Variants in MATK observed in about 807,000 individuals in gnomAD.
The protein encoded by MATK is megakaryocyte-associated tyrosine kinase.
Under a neutral mutation model 59.8 loss-of-function variants are expected in MATK, and 41 were observed. That is an observed-to-expected ratio of 0.69 (90% confidence interval 0.53 to 0.89). The LOEUF is 0.89. MATK is among the 40% of genes least tolerant of loss of function. The probability of loss-of-function intolerance (pLI) is 0.00; values close to 1 mark genes in which losing one functional copy is unlikely to be tolerated. For missense variants in MATK, 593 were observed against 719.6 expected, an observed-to-expected ratio of 0.82 and a Z score of 2.01; for synonymous variants, 308 against 306.1, an observed-to-expected ratio of 1.01 and a Z score of -0.06.
intron 11 of MATK, 71 bp from the exon 12 acceptor site, chr19:3,779,258 G>A: frequency 1.9e-6 from 3 of 1,545,498 alleles, no homozygotes; most frequent in African/African-American, 1.4e-5. Flanking sequence ...AAAGCTCGGG[G>A]TGCCTGGGGC....
chr19:3,794,741 C>A (rs1007164859), intron 1 of MATK, among the ~76,000 whole-genome samples: 2 of 152,044 alleles, frequency 1.3e-5, no homozygotes, highest in Non-Finnish European at 2.9e-5. Flanking sequence ...CAAGAGCAGC[C>A]CCTAAGTCTC....
chr19:3,798,700 C>T (rs983523391), intron 1 of MATK, among the ~76,000 whole-genome samples: 1 of 147,300 alleles, frequency 6.8e-6, no homozygotes, highest in African/African-American at 2.5e-5. Context: ...TTGGTAGAGA[C>T]GGGATTTCAC....
chr19:3,778,184 C>G lies in MATK; in HGVS notation c.1523G>C (p.Ter508SerextTer?). 1 of 1,555,404 alleles carries G rather than the reference C, an allele frequency of 6.4e-7. No homozygotes were observed. Among genetic ancestry groups the G allele is most frequent in the Non-Finnish European group, 8.6e-7 (1 of 1,156,566 alleles). The change falls in exon 14 of 14, where the codon TGA becomes TCA. Residue 508 changes from the stop codon to serine (S), a stop_lost. Coordinates refer to ENST00000310132, the MANE Select transcript of MATK (RefSeq NM_139355.3). ...GGCCAAGGGCCCCACCGGGTGGGGT[C>G]AGGGCTCCTGGCTTCGGGGCGAGGT... ...GSTSPRSQEP[*>S] is the part of the protein sequence containing the mutation.
At chr19:3,789,196 C>T (rs2037517471), upstream of MATK, 2 of 704,448 alleles carry the variant, frequency 2.8e-6, no homozygotes, top group East Asian at 2.5e-5. Flanking sequence ...TGGCAAACCA[C>T]CATCACTTGC....
chr19:3,785,217 C>G lies in MATK; in HGVS notation c.-82G>C. Reference sequence around the variant, plus strand: ...CGGGGACGCTGGGAATGGCCTGCCACAGGCCAGTCGGCTGGCACAGGAGGT... The same window carrying G: ...CGGGGACGCTGGGAATGGCCTGCCAGAGGCCAGTCGGCTGGCACAGGAGGT... On this transcript the variant is annotated 5_prime_UTR_variant, in exon 2 of 14. Coordinates refer to ENST00000310132, the MANE Select transcript of MATK (RefSeq NM_139355.3). 6.2e-7 allele frequency: 1 copy of G among 1,603,390 alleles called. No homozygotes were observed. The highest frequency in any genetic ancestry group is 8.5e-7 in the Non-Finnish European group (1 of 1,176,106).
At chr19:3,791,698 A>C (rs2037543270) in intron 1 of MATK, among the ~76,000 whole-genome samples, 1 of 152,014 alleles carries the variant, frequency 6.6e-6, no homozygotes, top group African/African-American at 2.4e-5. Context: ...CAAATCTCAC[A>C]GTTCTTCACA....
chr19:3,783,651 G>T (rs923897802), intron 6 of MATK, among the ~76,000 whole-genome samples, 163 bp downstream of exon 6: 6 of 152,068 alleles, frequency 3.9e-5, no homozygotes, highest in African/African-American at 1.4e-4. Context: ...GAGCTCAGGG[G>T]GTCCCGGGTG....
chr19:3,785,244 G>C lies in MATK; in HGVS notation c.-109C>G, dbSNP rs746078337. The C allele has an allele frequency of 1.4e-5, 22 of 1,576,150 alleles. No homozygotes were observed. In the Middle Eastern group the frequency reaches 5.3e-4, roughly 38 times the overall value. On this transcript the variant is annotated 5_prime_UTR_variant, in exon 2 of 14. Transcript: ENST00000310132. ...GGCCAGTCGGCTGGCACAGGAGGTA[G>C]GGAGCTGGGTGCCACTGGACCGAGC...
chr19:3,795,665 T>C (rs1314078030), intron 1 of MATK, among the ~76,000 whole-genome samples: 3 of 151,250 alleles, frequency 2.0e-5, no homozygotes, highest in Non-Finnish European at 4.4e-5. Flanking sequence ...GTTGTGCGGA[T>C]ACAGATGGCA....
chr19:3,798,546 C>T (rs1263001073), intron 1 of MATK, among the ~76,000 whole-genome samples: 1 of 152,098 alleles, frequency 6.6e-6, no homozygotes, highest in African/African-American at 2.4e-5. Flanking sequence ...GAGTTTTGCT[C>T]TTATTGCCCA....
At position 3,785,098 on chromosome 19, in the gene MATK, A is replaced by G. The variant is rs753209638; in HGVS notation, c.38T>C (p.Phe13Ser). 1 of 1,614,122 alleles carries G rather than the reference A, an allele frequency of 6.2e-7. No individual in the cohort carries two copies. The highest frequency in any genetic ancestry group is 2.2e-5 in the East Asian group (1 of 44,866). Residue 13 changes from phenylalanine to serine, a missense_variant, in exon 2 of 14, where the codon TTT (phenylalanine) becomes TCT (serine). Coordinates refer to ENST00000310132, the MANE Select transcript of MATK (RefSeq NM_139355.3). ...TTCCTCAGCAGAATCACAGCCGTGA[A>G]ATGCCCGCCAGGAAACCAGAGAGCC... ...GRGSLVSWRA[F>S]HGCDSAEELP...
chr19:3,798,196 C>T (rs949086709), intron 1 of MATK, among the ~76,000 whole-genome samples: 1 of 152,092 alleles, frequency 6.6e-6, no homozygotes, highest in Non-Finnish European at 1.5e-5. Flanking sequence ...GAATCAGGAA[C>T]ATAAGGATTT....
At chr19:3,798,473 T>G (rs1335063719) in intron 1 of MATK, among the ~76,000 whole-genome samples, 1 of 152,194 alleles carries the variant, frequency 6.6e-6, no homozygotes, top group African/African-American at 2.4e-5. Flanking sequence ...CACAAGAGGT[T>G]AGACATCTGG....
rs576533347 is a variant in MATK, at chr19:3,778,307, C to A, written c.1400G>T (p.Arg467Leu). 1.9e-6 allele frequency: 3 copies of A among 1,574,322 alleles called. No individual in the cohort carries two copies. Among genetic ancestry groups the A allele is most frequent in the South Asian group, 1.2e-5 (1 of 86,382 alleles). The stretch of plus-strand genomic sequence containing the variant: ...GGCCAGTTTGCGGAAGGGTGGCCGG[C>A]GGGCGGGCTCTGCCTCCCAGCAGCT... Reference protein sequence around the residue: ...MSSCWEAEPARRPPFRKLAEK... With the variant: ...MSSCWEAEPALRPPFRKLAEK... The change falls in exon 14 of 14, where the codon CGC becomes CTC. Residue 467 changes from arginine to leucine, a missense_variant. Coordinates refer to ENST00000310132, the MANE Select transcript of MATK (RefSeq NM_139355.3).
chr19:3,779,968 A>G (rs998700908), intron 8 of MATK, among the ~76,000 whole-genome samples, 171 bp from the exon 9 acceptor site: 2 of 152,202 alleles, frequency 1.3e-5, no homozygotes, highest in Non-Finnish European at 1.5e-5. Context: ...CGCCCTTGCA[A>G]GCTCCAGACC....
chr19:3,779,288 C>A (rs1297774686), intron 11 of MATK, 90 bp downstream of exon 11: 30 of 1,569,392 alleles, frequency 1.9e-5, no homozygotes, highest in Non-Finnish European at 2.5e-5. Context: ...ACAAAGCCTC[C>A]CTGCCCCGTG....
upstream of MATK, among the ~76,000 whole-genome samples, chr19:3,786,913 G>A (rs990842374): frequency 6.6e-6 from 1 of 152,060 alleles, no homozygotes. This position sits in a 1 kb window ranked among gnomAD's most constrained non-coding sequence, Gnocchi z 4.1. Context: ...CTGGGAGTTG[G>A]AGGGACCTGG....
rs750547361 is a variant in MATK at position 3,779,500 on chromosome 19, G to GTGGGCCCCCTCCCCGCC, written c.927+16_927+32dup. 5 of 1,610,096 alleles carry GTGGGCCCCCTCCCCGCC rather than the reference G, an allele frequency of 3.1e-6. No individual in the cohort carries two copies. In the Admixed American group the frequency reaches 8.4e-5, roughly 27 times the overall value. ...CGGGATGTTGGGGCTGCTCCGCTGC[G>GTGGGCCCCCTCCCCGCC]TGGGCCCCCTCCCCGCCTGGGCCCC... On this transcript the variant is annotated intron_variant, in intron 10 of 13. Transcript: ENST00000310132.
chr19:3,793,795 G>A (rs773033270), intron 1 of MATK, among the ~76,000 whole-genome samples: 7 of 152,284 alleles, frequency 4.6e-5, no homozygotes, highest in South Asian at 2.1e-4. Flanking sequence ...CTTAAACCTG[G>A]GAGGTGGAGG....
Sources: gnomAD v4.1 joint callset for allele counts (sites outside exome capture counted in the v4.1 genomes callset) on GRCh38, gnomAD v4.1.1 for gene constraint, Gnocchi (gnomAD v3.1) non-coding constraint, MANE v1.5 for transcripts, NCBI Gene and HGNC (gene_info 2026-07-23, HGNC 2026-07-21) for gene names.